RPTOR: variants seen among roughly 807,000 people sequenced by gnomAD.
RPTOR encodes the protein regulatory associated protein of MTOR complex 1.
Under a neutral mutation model 169.9 loss-of-function variants are expected in RPTOR, and 21 were observed. The ratio of observed to expected loss-of-function variants is 0.12; its 90% CI spans 0.09 to 0.18. The LOEUF (loss-of-function observed/expected upper bound fraction) is 0.18. RPTOR is among the 10% of genes least tolerant of loss of function. The pLI, the probability that RPTOR is intolerant of heterozygous loss-of-function variation, is 1.00. For synonymous variants in RPTOR, 732 were observed against 753.2 expected, an observed-to-expected ratio of 0.97 and a Z score of 0.46; for missense variants, 1,133 against 1,855.9, an observed-to-expected ratio of 0.61 and a Z score of 7.16.
intron 28 of RPTOR, among the ~76,000 whole-genome samples, chr17:80,951,067 G>A (rs1478837552): frequency 6.6e-6 from 1 of 152,008 alleles, no homozygotes; most frequent in South Asian, 2.1e-4. Context: ...CCCCCTAGAA[G>A]CATCCACATG....
intron 6 of RPTOR, among the ~76,000 whole-genome samples, chr17:80,759,353 A>G (rs2066712212): frequency 6.6e-6 from 1 of 152,178 alleles, no homozygotes; most frequent in Non-Finnish European, 1.5e-5. Context: ...GTTAGGACAT[A>G]GTCAGATTTT....
intron 1 of RPTOR, among the ~76,000 whole-genome samples, chr17:80,556,846 C>T (rs1223643531): frequency 6.6e-6 from 1 of 151,680 alleles, no homozygotes; most frequent in Non-Finnish European, 1.5e-5. Context: ...GTAATCCCAG[C>T]ACTTTGGGAG....
At chr17:80,650,094 T>C (rs1389705152) in intron 3 of RPTOR, among the ~76,000 whole-genome samples, 1 of 152,198 alleles carries the variant, frequency 6.6e-6, no homozygotes, top group Admixed American at 6.5e-5. Context: ...CCAAAGACAT[T>C]ACAGAAAGAA....
At chr17:80,944,176 G>C (rs1360871385) in intron 25 of RPTOR, among the ~76,000 whole-genome samples, 1 of 152,150 alleles carries the variant, frequency 6.6e-6, no homozygotes, top group Non-Finnish European at 1.5e-5. Flanking sequence ...TTAAGTCCAC[G>C]TTCCCCTCTT....
rs915556124 is a variant in RPTOR, at chr17:80,659,653, C to T, written c.348+15843C>T. 5.9e-5 allele frequency among the ~76,000 whole-genome samples: 9 copies of T among 152,106 alleles called. No homozygotes were observed. In the East Asian group the frequency reaches 7.8e-4, roughly 13 times the overall value. ...TCCCAAGTAGCTGGGACTACGGGCA[C>T]GCACCAGCACACTCGGCTAATTTCT... is the stretch of plus-strand genomic sequence containing the variant. On this transcript the variant is annotated intron_variant, in intron 3 of 33. Coordinates refer to ENST00000306801, the MANE Select transcript of RPTOR (RefSeq NM_020761.3). The surrounding 1 kb of genome is among the most constrained non-coding windows in gnomAD (Gnocchi z 4.3).
intron 5 of RPTOR, among the ~76,000 whole-genome samples, chr17:80,750,475 C>T (rs549087100): frequency 3.3e-5 from 5 of 152,274 alleles, no homozygotes; most frequent in African/African-American, 7.2e-5. Flanking sequence ...AGCCCCTTTC[C>T]GGAGGCCAGG....
At chr17:80,669,585 T>C (rs868657626) in intron 3 of RPTOR, among the ~76,000 whole-genome samples, 8 of 152,208 alleles carry the variant, frequency 5.3e-5, no homozygotes, top group Non-Finnish European at 8.8e-5. Context: ...GGTTTTTCCA[T>C]GTTGGTCAGG....
chr17:80,808,625 C>T (rs912641861), intron 7 of RPTOR, among the ~76,000 whole-genome samples: 2 of 152,198 alleles, frequency 1.3e-5, no homozygotes, highest in African/African-American at 4.8e-5. Flanking sequence ...TGGAGCCACA[C>T]CACAGTCAGC....
At chr17:80,856,064 G>A (rs912159370) in intron 12 of RPTOR, among the ~76,000 whole-genome samples, 9 of 152,188 alleles carry the variant, frequency 5.9e-5, no homozygotes, top group Middle Eastern at 3.2e-3. Flanking sequence ...AGCGACGTGC[G>A]TTTAACAAAT....
chr17:80,648,322 G>A (rs1466859223), intron 3 of RPTOR, among the ~76,000 whole-genome samples: 1 of 152,054 alleles, frequency 6.6e-6, no homozygotes, highest in African/African-American at 2.4e-5. Context: ...TGTGTCTTTT[G>A]GATTTTAGGC....
rs376845406 is a variant in RPTOR at position 80,586,128 on chromosome 17, C to A, written c.163-39563C>A. Among the ~76,000 whole-genome samples the A allele has an allele frequency of 2.0e-4, 30 of 152,218 alleles. 1 individual carries two copies. Among genetic ancestry groups the A allele is most frequent in the East Asian group, 1.7e-3 (9 of 5,178 alleles). ...GTTGCGAGTCTGTGAGGGCATCAAT[C>A]CCCCGTTTCTGGCATAGATTTAATT... On this transcript the variant is annotated intron_variant, in intron 1 of 33. Transcript: ENST00000306801.
In RPTOR at chr17:80,721,087, T is replaced by C. The variant is rs932244846; in HGVS notation, c.508-9473T>C. Among the ~76,000 whole-genome samples, 1 of 150,892 alleles carries C rather than the reference T, an allele frequency of 6.6e-6. No individual in the cohort carries two copies. Among genetic ancestry groups the C allele is most frequent in the Non-Finnish European group, 1.5e-5 (1 of 68,026 alleles). ...AGGCACCTAGGAGGTGAGGAGGGGCTACGTCTGCCGGGTCTCCAAGCAGGA... is the reference window on the plus strand; with the variant it reads ...AGGCACCTAGGAGGTGAGGAGGGGCCACGTCTGCCGGGTCTCCAAGCAGGA... On this transcript the variant is annotated intron_variant, in intron 4 of 33. Transcript: ENST00000306801. The surrounding 1 kb of genome is among the most constrained non-coding windows in gnomAD (Gnocchi z 4.7).
Position 80,754,861 on chromosome 17 carries a change from A to G in RPTOR, c.830+676A>G, listed in dbSNP as rs2066664323. On this transcript the variant is annotated intron_variant, in intron 6 of 33. Transcript: ENST00000306801. The surrounding 1 kb of genome is among the most constrained non-coding windows in gnomAD (Gnocchi z 4.2). The stretch of plus-strand genomic sequence containing the variant: ...TTATATGTCGTGGCTGTTACCGGCT[A>G]GTAGATAAATACCTCTCCCTTGAGG... 6.6e-6 allele frequency among the ~76,000 whole-genome samples: 1 copy of G among 152,176 alleles called. No individual in the cohort carries two copies. The highest frequency in any genetic ancestry group is 2.1e-4 in the South Asian group (1 of 4,828).
At chr17:80,963,853 G>A (rs978005896) in intron 33 of RPTOR, among the ~76,000 whole-genome samples, 2 of 149,222 alleles carry the variant, frequency 1.3e-5, no homozygotes, top group African/African-American at 2.6e-5. Context: ...CTGTGCGGCC[G>A]GGCCCCACCT....
chr17:80,655,994 G>A (rs117219902), intron 3 of RPTOR, among the ~76,000 whole-genome samples: 7,574 of 152,084 alleles, frequency 0.05, 247 homozygotes, highest in Middle Eastern at 0.088. Context: ...CTCCTTAGTC[G>A]TTCTCATTTT....
intron 2 of RPTOR, among the ~76,000 whole-genome samples, chr17:80,638,847 G>A (rs2065529705): frequency 6.6e-6 from 1 of 152,228 alleles, no homozygotes; most frequent in South Asian, 2.1e-4. Context: ...GGCAACACAG[G>A]AACGTAATTT....
intron 21 of RPTOR, among the ~76,000 whole-genome samples, chr17:80,922,116 G>A (rs942405326): frequency 2.0e-5 from 3 of 152,212 alleles, no homozygotes; most frequent in Non-Finnish European, 2.9e-5. Context: ...AGTGGCCTGC[G>A]TGGAGGCCTC....
intron 3 of RPTOR, among the ~76,000 whole-genome samples, chr17:80,685,625 A>ATTT (rs1567856556): frequency 6.5e-4 from 23 of 35,306 alleles, no homozygotes; most frequent in East Asian, 2.2e-3. Context: ...ATATATATAT[A>ATTT]TATTTTTTTT....
chr17:80,763,418 T>C (rs2066754766), intron 6 of RPTOR, among the ~76,000 whole-genome samples: 1 of 152,174 alleles, frequency 6.6e-6, no homozygotes, highest in Admixed American at 6.5e-5. Flanking sequence ...TGTTGTATTG[T>C]GGTAAAACGA....
Sources: gnomAD v4.1 joint callset for allele counts (sites outside exome capture counted in the v4.1 genomes callset) on GRCh38, gnomAD v4.1.1 for gene constraint, Gnocchi (gnomAD v3.1) non-coding constraint, MANE v1.5 for transcripts, NCBI Gene and HGNC (gene_info 2026-07-23, HGNC 2026-07-21) for gene names.